KAT14: variants seen among roughly 807,000 people sequenced by gnomAD.
KAT14 encodes lysine acetyltransferase 14.
A neutral mutation model predicts 78.4 loss-of-function variants in KAT14; 66 were observed. The observed-to-expected ratio is 0.84, with a 90% CI of 0.69 to 1.03. The LOEUF is 1.03. Among genes scored for constraint, KAT14 ranks in the 50% least tolerant of loss-of-function variants. The pLI is 0.00. For synonymous variants in KAT14, 344 were observed against 359.4 expected (o/e 0.96, Z 0.48); for missense variants, 870 against 972.5 (o/e 0.89, Z 1.40).
chr20:18,185,894 A>T (rs1387753406), intron 10 of KAT14, among the ~76,000 whole-genome samples: 1 of 152,206 alleles, frequency 6.6e-6, no homozygotes, highest in African/African-American at 2.4e-5. Context: ...GGCAGTGATT[A>T]TGTAAATCAC....
intron 9 of KAT14, among the ~76,000 whole-genome samples, 192 bp from the exon 10 acceptor site, chr20:18,184,410 T>G (rs902755886): frequency 2.6e-5 from 4 of 152,182 alleles, no homozygotes; most frequent in African/African-American, 9.7e-5. Flanking sequence ...TACTATGTAA[T>G]TTCAATATTT....
intron 7 of KAT14, among the ~76,000 whole-genome samples, chr20:18,172,286 G>C (rs1376622984): frequency 1.3e-5 from 2 of 152,062 alleles, no homozygotes; most frequent in East Asian, 3.9e-4. Context: ...ATTTTTAGTA[G>C]AGATGGGATT....
intron 1 of KAT14, among the ~76,000 whole-genome samples, chr20:18,141,433 T>G (rs968610429): frequency 2.0e-5 from 3 of 152,190 alleles, no homozygotes; most frequent in African/African-American, 7.2e-5. Flanking sequence ...CATTGTTAAC[T>G]TTACATGCTA....
chr20:18,164,861 G>A (rs545164000), intron 7 of KAT14, among the ~76,000 whole-genome samples: 1 of 151,970 alleles, frequency 6.6e-6, no homozygotes, highest in South Asian at 2.1e-4. Flanking sequence ...TCCTGGGCTC[G>A]AGTGATCGCC....
chr20:18,140,950 C>T, intron 1 of KAT14, among the ~76,000 whole-genome samples: 1 of 149,468 alleles, frequency 6.7e-6, no homozygotes, highest in Non-Finnish European at 1.5e-5. Flanking sequence ...CTGTGCCTCC[C>T]AGGCTGAGGT....
chr20:18,168,988 C>A (rs2146465536), intron 7 of KAT14, among the ~76,000 whole-genome samples: 1 of 151,708 alleles, frequency 6.6e-6, no homozygotes, highest in Middle Eastern at 3.4e-3. Context: ...CTGTTTTGTT[C>A]TTTTTTTTCA....
At chr20:18,167,121 G>A (rs1289674679) in intron 7 of KAT14, among the ~76,000 whole-genome samples, 2 of 152,338 alleles carry the variant, frequency 1.3e-5, no homozygotes, top group Non-Finnish European at 2.9e-5. Flanking sequence ...GCAACAGGGA[G>A]TGGAAGGATC....
chr20:18,151,781 A>G (rs768770895), intron 4 of KAT14, among the ~76,000 whole-genome samples: 3 of 151,660 alleles, frequency 2.0e-5, no homozygotes, highest in Non-Finnish European at 4.4e-5. Flanking sequence ...AGGTGGGTGG[A>G]TCACCTGAGG....
intron 9 of KAT14, 113 bp downstream of exon 9, chr20:18,183,411 G>A (rs568461744): frequency 7.2e-7 from 1 of 1,386,326 alleles, no homozygotes; most frequent in African/African-American, 1.5e-5. Context: ...ATTTCGTTTA[G>A]TTTGTCTCTG....
At chr20:18,180,656 C>A (rs1017430209) in intron 7 of KAT14, among the ~76,000 whole-genome samples, 1 of 152,158 alleles carries the variant, frequency 6.6e-6, no homozygotes, top group Non-Finnish European at 1.5e-5. Flanking sequence ...TTCCACATGG[C>A]TGGGTAGGCC....
Position 18,162,230 on chromosome 20 carries a change from T to C in KAT14, c.1090T>C (p.Leu364=). The change falls in exon 6 of 11, where the codon TTG becomes CTG. Residue 364 remains leucine, a synonymous_variant. Coordinates refer to ENST00000688188, the MANE Select transcript of KAT14 (RefSeq NM_001392073.1). ...TCCAGATGTGATGCCCCCACAAGCC[T>C]TGTTTCATGGTAAGAGTTTGTTTGC... ...LIPDVMPPQA[L]FHDDDEMEGD... The C allele has an allele frequency of 6.2e-7, 1 of 1,613,974 alleles. No homozygotes were observed. The highest frequency in any genetic ancestry group is 8.5e-7 in the Non-Finnish European group (1 of 1,179,978).
At position 18,168,803 on chromosome 20, in the gene KAT14, T is replaced by A. The variant is rs573632267; in HGVS notation, c.1668+5858T>A. The stretch of plus-strand genomic sequence containing the variant: ...GGTATTTTATATGCTTCTTGGCATT[T>A]ATTCTGCTTGGTGTTCGCTGACCTT... On this transcript the variant is annotated intron_variant, in intron 7 of 10. Coordinates refer to ENST00000688188, the MANE Select transcript of KAT14 (RefSeq NM_001392073.1). 2.6e-5 allele frequency among the ~76,000 whole-genome samples: 4 copies of A among 152,330 alleles called. No individual in the cohort carries two copies. In the East Asian group the frequency reaches 7.7e-4, roughly 29 times the overall value.
At chr20:18,145,398 G>C in intron 3 of KAT14, 47 bp downstream of exon 3, 1 of 1,602,118 alleles carries the variant, frequency 6.2e-7, no homozygotes, top group South Asian at 1.1e-5. Context: ...GTTCCCCCAG[G>C]AGTTTGTTGG....
At chr20:18,137,742 C>T (rs973308795), upstream of KAT14, 2 of 467,034 alleles carry the variant, frequency 4.3e-6, no homozygotes, top group Non-Finnish European at 7.4e-6. Flanking sequence ...GTGCAGGAGG[C>T]CCCTAGTGAA....
intron 7 of KAT14, among the ~76,000 whole-genome samples, chr20:18,168,486 C>A (rs2038737176): frequency 6.6e-6 from 1 of 152,090 alleles, no homozygotes; most frequent in Admixed American, 6.5e-5. Flanking sequence ...TGAGATCATG[C>A]CACTGCACTC....
chr20:18,179,801 T>C (rs2039183147), intron 7 of KAT14, among the ~76,000 whole-genome samples: 1 of 152,234 alleles, frequency 6.6e-6, no homozygotes, highest in Admixed American at 6.5e-5. Context: ...AGGCTGCAAC[T>C]TTTCTGAACT....
At chr20:18,138,789 T>G (rs1452644990) in intron 1 of KAT14, among the ~76,000 whole-genome samples, 1 of 152,184 alleles carries the variant, frequency 6.6e-6, no homozygotes, top group African/African-American at 2.4e-5. Flanking sequence ...TTCTTTCTTA[T>G]TCAAGTTGAC....
At chr20:18,157,262 C>T (rs1174387363) in intron 4 of KAT14, among the ~76,000 whole-genome samples, 2 of 152,236 alleles carry the variant, frequency 1.3e-5, no homozygotes, top group Non-Finnish European at 2.9e-5. Flanking sequence ...GTCACCCAGG[C>T]TGGAGTGCAA....
chr20:18,145,682 G>A (rs1331114274), intron 3 of KAT14, among the ~76,000 whole-genome samples: 2 of 152,028 alleles, frequency 1.3e-5, no homozygotes, highest in African/African-American at 2.4e-5. Context: ...CTGGGAGACT[G>A]AGGCAGGAGA....
Sources: allele counts gnomAD v4.1 joint callset (sites outside exome capture counted in the v4.1 genomes callset), GRCh38; gene constraint gnomAD v4.1.1; transcripts MANE v1.5; gene names NCBI Gene and HGNC (gene_info 2026-07-23, HGNC 2026-07-21).